The following SLC7A2 variants were observed in gnomAD, a reference collection of about 807,000 sequenced individuals.
SLC7A2 encodes cationic amino acid transporter 2.
A neutral mutation model predicts 58.9 loss-of-function variants in SLC7A2; 48 were observed. The ratio of observed to expected loss-of-function variants is 0.82; its 90% CI spans 0.65 to 1.04. The LOEUF is 1.04. SLC7A2 is among the 50% of genes least tolerant of loss of function. The pLI is 0.00. For missense variants in SLC7A2, 1,029 were observed against 818.8 expected, an observed-to-expected ratio of 1.26 and a Z score of -3.13; for synonymous variants, 363 against 314.5, an observed-to-expected ratio of 1.15 and a Z score of -1.63.
At chr8:17,526,744 T>C (rs1009045734) in intron 2 of SLC7A2, among the ~76,000 whole-genome samples, 3 of 152,122 alleles carry the variant, frequency 2.0e-5, no homozygotes, top group Non-Finnish European at 2.9e-5. Context: ...GTGTGGTATC[T>C]AGTTGGAAGA....
chr8:17,553,590 G>A lies in SLC7A2; in HGVS notation c.1056-970G>A, dbSNP rs547246791. Among the ~76,000 whole-genome samples, 336 of 152,258 alleles carry A rather than the reference G, an allele frequency of 2.2e-3. 3 individuals are homozygous for A. Among genetic ancestry groups the A allele is most frequent in the African/African-American group, 7.8e-3 (324 of 41,540 alleles). Reference sequence around the variant, plus strand: ...GTTCAAGACCAGCCTGGGCAACGTAGCAAGGCTCGGTCTCCACAAAAAATT... The same window carrying A: ...GTTCAAGACCAGCCTGGGCAACGTAACAAGGCTCGGTCTCCACAAAAAATT... On this transcript the variant is annotated intron_variant, in intron 7 of 12. Transcript: ENST00000494857.
chr8:17,544,692 G>C, intron 4 of SLC7A2, 86 bp downstream of exon 4: 1 of 1,180,050 alleles, frequency 8.5e-7, no homozygotes, highest in East Asian at 2.4e-5. Flanking sequence ...TGGGGCCTGA[G>C]TTCCCAAGAT....
chr8:17,494,390 C>G (rs1799911744), upstream of SLC7A2, among the ~76,000 whole-genome samples: 1 of 152,168 alleles, frequency 6.6e-6, no homozygotes, highest in Non-Finnish European at 1.5e-5. Flanking sequence ...AGGCTACTCT[C>G]TCTGCTGAAA....
intron 1 of SLC7A2, among the ~76,000 whole-genome samples, chr8:17,500,914 C>T (rs1343103036): frequency 6.6e-6 from 1 of 152,012 alleles, no homozygotes; most frequent in Non-Finnish European, 1.5e-5. Flanking sequence ...GCATGAATCA[C>T]CTATTAATTT....
intron 2 of SLC7A2, chr8:17,520,781 G>A: frequency 1.2e-6 from 1 of 858,610 alleles, no homozygotes; most frequent in Non-Finnish European, 1.4e-6. Context: ...AAGTAGAGAT[G>A]AGCTTAAGCA....
intron 2 of SLC7A2, among the ~76,000 whole-genome samples, chr8:17,512,574 G>A (rs896463115): frequency 6.6e-6 from 1 of 152,032 alleles, no homozygotes; most frequent in Non-Finnish European, 1.5e-5. Flanking sequence ...AGAACCCCAA[G>A]TGGAGTGGAG....
chr8:17,517,441 C>T (rs1800846439), intron 2 of SLC7A2, among the ~76,000 whole-genome samples: 2 of 152,148 alleles, frequency 1.3e-5, no homozygotes, highest in Admixed American at 6.5e-5. Flanking sequence ...GTAAAATGCA[C>T]ACAAGTGTAC....
chr8:17,562,193 T>TTTTTTTTTTTTTTTTTTTTTTTG (rs1803043450), intron 11 of SLC7A2, 83 bp downstream of exon 11: 1 of 115,544 alleles, frequency 8.7e-6, no homozygotes, highest in Non-Finnish European at 1.5e-5. Flanking sequence ...TTTTTTTTTT[T>TTTTTTTTTTTTTTTTTTTTTTTG]TTTTTTTTTT....
upstream of SLC7A2, among the ~76,000 whole-genome samples, chr8:17,496,715 T>C (rs7818453): frequency 0.47 from 71,145 of 152,080 alleles, 17,066 homozygotes; most frequent in East Asian, 0.77. Flanking sequence ...CCAAAATCTT[T>C]GTAGAATGGA....
chr8:17,543,262 C>G, intron 2 of SLC7A2, 56 bp from the exon 3 acceptor site: 2 of 1,512,788 alleles, frequency 1.3e-6, no homozygotes, highest in South Asian at 2.6e-5. Context: ...AGCTAGGTTA[C>G]CAAAGGGAGG....
At chr8:17,512,144 G>A (rs1266599803) in intron 2 of SLC7A2, among the ~76,000 whole-genome samples, 1 of 152,042 alleles carries the variant, frequency 6.6e-6, no homozygotes, top group African/African-American at 2.4e-5. Context: ...AACGTATATC[G>A]TATGTCAGGC....
intron 12 of SLC7A2, 112 bp downstream of exon 12, chr8:17,563,823 C>T (rs1201853724): frequency 1.4e-6 from 1 of 691,972 alleles, no homozygotes; most frequent in African/African-American, 1.8e-5. Context: ...TTCTTTCTTT[C>T]CTAATTCTTA....
rs527679044 is a variant in SLC7A2, at chr8:17,559,664, T to C, written c.1299-664T>C. Among the ~76,000 whole-genome samples, 10 of 152,358 alleles carry C rather than the reference T, an allele frequency of 6.6e-5. No homozygotes were observed. The South Asian group carries it at 1.9e-3, about 28-fold the overall frequency. On this transcript the variant is annotated intron_variant, in intron 9 of 12. Transcript: ENST00000494857. ...CAGCATGAGGGTAACCACTCCATGA[T>C]GAAATTAGCTCCCACTGGGTCCCTT...
At chr8:17,559,699 G>A (rs937373037) in intron 9 of SLC7A2, among the ~76,000 whole-genome samples, 5 of 152,234 alleles carry the variant, frequency 3.3e-5, no homozygotes, top group Admixed American at 6.5e-5. Context: ...TCCACGGCAC[G>A]TGGGGATTAT....
intron 2 of SLC7A2, among the ~76,000 whole-genome samples, chr8:17,534,642 T>A (rs1801586465): frequency 6.7e-6 from 1 of 149,192 alleles, no homozygotes; most frequent in Non-Finnish European, 1.5e-5. Context: ...GTATTTAACA[T>A]CTCTATGTGT....
At chr8:17,501,044 C>T (rs572858506) in intron 1 of SLC7A2, among the ~76,000 whole-genome samples, 267 of 150,228 alleles carry the variant, frequency 1.8e-3, no homozygotes, top group African/African-American at 6.2e-3. Context: ...GACAGAGTCT[C>T]GTTCTGACGC....
At position 17,566,934 on chromosome 8, in the gene SLC7A2, T is replaced by C. The variant is rs142714429; in HGVS notation, c.*1788T>C. 2.5e-3 allele frequency: 387 copies of C among 152,692 alleles called. 1 individual carries two copies. Among genetic ancestry groups the C allele is most frequent in the African/African-American group, 9.0e-3 (376 of 41,558 alleles). The allele number at this position is 152,692 out of a possible 1,614,324, so 9.5% of individuals were successfully genotyped here. Reference sequence around the variant, plus strand: ...GTCTTCCAAGAAATGAGCTATTTTATTGATGCCATTAAAAAGCAAGTTGCG... The same window carrying C: ...GTCTTCCAAGAAATGAGCTATTTTACTGATGCCATTAAAAAGCAAGTTGCG... On this transcript the variant is annotated 3_prime_UTR_variant, in exon 13 of 13. Transcript: ENST00000494857.
chr8:17,505,099 C>T (rs940919972), intron 2 of SLC7A2, among the ~76,000 whole-genome samples: 3 of 147,714 alleles, frequency 2.0e-5, no homozygotes, highest in African/African-American at 5.0e-5. Flanking sequence ...GCCGCCCACC[C>T]GATCCCATCC....
At chr8:17,512,481 A>T (rs1421097928) in intron 2 of SLC7A2, among the ~76,000 whole-genome samples, 1 of 152,140 alleles carries the variant, frequency 6.6e-6, no homozygotes, top group African/African-American at 2.4e-5. Flanking sequence ...AGGGAGGTGG[A>T]GATTGCACTG....
Sources: allele counts gnomAD v4.1 joint callset (sites outside exome capture counted in the v4.1 genomes callset), GRCh38; gene constraint gnomAD v4.1.1; transcripts MANE v1.5; gene names NCBI Gene and HGNC (gene_info 2026-07-23, HGNC 2026-07-21).